LVRN: variants seen among roughly 807,000 people sequenced by gnomAD.
LVRN encodes aminopeptidase Q.
In LVRN, 99 loss-of-function variants were observed where a neutral mutation model predicts 111.4. That is an observed-to-expected ratio of 0.89 (90% CI 0.76 to 1.05). The LOEUF is 1.05. LVRN is among the 50% of genes least tolerant of loss of function. The pLI, the probability that LVRN is intolerant of heterozygous loss-of-function variation, is 0.00. For synonymous variants in LVRN, 488 were observed against 449.5 expected, an observed-to-expected ratio of 1.09 and a Z score of -1.08; for missense variants, 1,414 against 1,206.8, an observed-to-expected ratio of 1.17 and a Z score of -2.54.
At chr5:116,012,206 A>G (rs1278369942) in intron 14 of LVRN, among the ~76,000 whole-genome samples, 168 bp from the exon 15 acceptor site, 2 of 152,198 alleles carry the variant, frequency 1.3e-5, no homozygotes, top group East Asian at 3.8e-4. Context: ...AAACCGAAAG[A>G]GGTTAAAAAA....
intron 17 of LVRN, 38 bp from the exon 18 acceptor site, chr5:116,015,590 A>G: frequency 6.3e-7 from 1 of 1,578,684 alleles, no homozygotes; most frequent in Admixed American, 1.8e-5. Flanking sequence ...TTTATGTTGG[A>G]TGTTTAAAAT....
rs373229835 is a variant in LVRN, at chr5:115,984,726, C to T, written c.978+17C>T. 3.7e-6 allele frequency: 6 copies of T among 1,612,810 alleles called. No homozygotes were observed. The African/African-American group carries it at 5.3e-5, about 14-fold the overall frequency. The stretch of plus-strand genomic sequence containing the variant: ...GGCAAGGAGGTGAGTGAGGAAGATT[C>T]TGTAGGTAAGGGAGATTGTACTGGC... On this transcript the variant is annotated intron_variant, in intron 3 of 19. Coordinates refer to ENST00000357872, the MANE Select transcript of LVRN (RefSeq NM_173800.5).
chr5:115,991,902 A>G (rs147451133), intron 4 of LVRN, among the ~76,000 whole-genome samples: 380 of 152,312 alleles, frequency 2.5e-3, no homozygotes, highest in African/African-American at 8.6e-3. Context: ...GTATTTGAAT[A>G]CAAGTCCTTT....
intron 18 of LVRN, 129 bp downstream of exon 18, chr5:116,015,894 A>G: frequency 8.8e-7 from 1 of 1,131,570 alleles, no homozygotes; most frequent in Non-Finnish European, 1.2e-6. Context: ...ATTGACTAGA[A>G]AAGTTATCAT....
chr5:116,005,090 CAT>C (rs1288259574), intron 12 of LVRN, among the ~76,000 whole-genome samples: 1 of 152,120 alleles, frequency 6.6e-6, no homozygotes, highest in Non-Finnish European at 1.5e-5. Context: ...ATTTCTACGA[CAT>C]AATTGGTGAG....
intron 14 of LVRN, 85 bp from the exon 15 acceptor site, chr5:116,012,289 C>T: frequency 1.3e-6 from 1 of 746,754 alleles, no homozygotes; most frequent in Non-Finnish European, 2.3e-6. Context: ...CTATCAATGT[C>T]TTTTCAGATA....
chr5:115,992,378 T>C (rs1396371355), intron 5 of LVRN, 101 bp downstream of exon 5: 1 of 1,327,906 alleles, frequency 7.5e-7, no homozygotes, highest in Non-Finnish European at 1.0e-6. Flanking sequence ...ATATACCATA[T>C]TTTAAAAAGA....
In LVRN at chr5:115,973,208, G is replaced by A. The variant is rs146165033; in HGVS notation, c.695+9896G>A. Among the ~76,000 whole-genome samples the A allele has an allele frequency of 6.8e-3, 1,031 of 152,302 alleles. 5 individuals are homozygous for A. Among genetic ancestry groups the A allele is most frequent in the Non-Finnish European group, 0.01 (697 of 68,024 alleles). ...GCCTCCCAAAGTGTTGGAATTACAG[G>A]CATGAGCCACTGCACCCAGTCAACC... On this transcript the variant is annotated intron_variant, in intron 1 of 19. Coordinates refer to ENST00000357872, the MANE Select transcript of LVRN (RefSeq NM_173800.5).
At chr5:116,025,682 C>G (rs1748848069) in intron 19 of LVRN, among the ~76,000 whole-genome samples, 1 of 152,162 alleles carries the variant, frequency 6.6e-6, no homozygotes, top group Non-Finnish European at 1.5e-5. Flanking sequence ...AGAGAACACT[C>G]TATATGCGTT....
chr5:116,002,282 G>A lies in LVRN; in HGVS notation c.1821-553G>A, dbSNP rs1005640943. ...TGAGTAGTGTGTCTCTTGCGATGAC[G>A]AATGTGCTTCCTGTGATCAGCTACT... On this transcript the variant is annotated intron_variant, in intron 10 of 19. Coordinates refer to ENST00000357872, the MANE Select transcript of LVRN (RefSeq NM_173800.5). Among the ~76,000 whole-genome samples the A allele has an allele frequency of 4.6e-5, 7 of 152,182 alleles. 1 individual carries two copies. The highest frequency in any genetic ancestry group is 3.9e-4 in the Admixed American group (6 of 15,286).
rs768007657 is a variant in LVRN, at chr5:115,963,325, C to T, written c.695+13C>T. The T allele has an allele frequency of 4.5e-6, 7 of 1,562,098 alleles. No homozygotes were observed. Among genetic ancestry groups the T allele is most frequent in the Non-Finnish European group, 2.6e-6 (3 of 1,153,616 alleles). The stretch of plus-strand genomic sequence containing the variant: ...AGGGCGAGCGCAGGTAAGGGCTGTA[C>T]AGCCCGGGGCCCCTCTCGGCCCCCG... On this transcript the variant is annotated intron_variant, in intron 1 of 19. Transcript: ENST00000357872.
chr5:116,011,956 A>G (rs1748499555), intron 14 of LVRN, among the ~76,000 whole-genome samples: 1 of 152,004 alleles, frequency 6.6e-6, no homozygotes, highest in Admixed American at 6.6e-5. Flanking sequence ...TTTTTGAGGA[A>G]TGTATACTTA....
Position 116,000,761 on chromosome 5 carries a change from T to C in LVRN, c.1647+103T>C, listed in dbSNP as rs937682500. ...AATGGCAGTTCCACAGGAAAACAGC[T>C]TTGTCTTGTTGTAGAACTCCCTTAG... On this transcript the variant is annotated intron_variant, in intron 9 of 19. Transcript: ENST00000357872. The C allele has an allele frequency of 3.1e-6, 4 of 1,285,274 alleles. No homozygotes were observed. The African/African-American group carries it at 6.0e-5, about 19-fold the overall frequency. 79.6% of individuals were successfully genotyped at this position (1,285,274 alleles called of 1,614,324 possible). A position where few individuals can be genotyped will look rare whatever the true frequency, so the allele number is the denominator to read the frequency against.
chr5:115,995,942 C>T (rs1461704794), intron 6 of LVRN, among the ~76,000 whole-genome samples: 1 of 80,570 alleles, frequency 1.2e-5, no homozygotes, highest in Non-Finnish European at 2.4e-5. Flanking sequence ...CCTCAAGAAG[C>T]TAATCGTGTG....
chr5:115,989,671 C>T (rs1747941601), intron 4 of LVRN, among the ~76,000 whole-genome samples: 3 of 152,214 alleles, frequency 2.0e-5, no homozygotes, highest in East Asian at 3.9e-4. Flanking sequence ...TCAGTAATTC[C>T]ACGTAAATTC....
chr5:115,962,776 C>T lies in LVRN; in HGVS notation c.159C>T (p.Asp53=), dbSNP rs1753109377. ...VPPSELPGLR[D]LEAESSPPLR... ...CGTCGGAGCTGCCTGGACTCAGGGA[C>T]TTGGAAGCCGAGTCTTCCCCTCCCC... The change falls in exon 1 of 20, where the codon GAC becomes GAT. Residue 53 remains aspartate (D), a synonymous_variant. Transcript: ENST00000357872. 2 of 1,611,524 alleles carry T rather than the reference C, an allele frequency of 1.2e-6. No homozygotes were observed. Among genetic ancestry groups the T allele is most frequent in the Admixed American group, 1.7e-5 (1 of 59,948 alleles).
intron 13 of LVRN, among the ~76,000 whole-genome samples, chr5:116,007,887 A>G (rs77088484): frequency 0.023 from 3,467 of 152,284 alleles, 133 homozygotes; most frequent in African/African-American, 0.079. Context: ...GTGAACAGGA[A>G]TTGATGATGT....
rs766885193 is a variant in LVRN at position 115,962,805 on chromosome 5, G to A, written c.188G>A (p.Arg63Lys). The A allele has an allele frequency of 5.6e-6, 9 of 1,611,760 alleles. No homozygotes were observed. The Admixed American group carries it at 1.5e-4, about 27-fold the overall frequency. Residue 63 changes from arginine to lysine, a missense_variant, in exon 1 of 20, where the codon AGG (arginine) becomes AAG (lysine). By Grantham distance (26) the Arg-to-Lys change is conservative (BLOSUM62 2). Transcript: ENST00000357872. The stretch of plus-strand genomic sequence containing the variant: ...GAAGCCGAGTCTTCCCCTCCCCTCA[G>A]GCAGAAGCCGACGCCAACCCCGAAA... ...DLEAESSPPL[R>K]QKPTPTPKPS...
intron 7 of LVRN, 70 bp downstream of exon 7, chr5:115,999,972 G>C (rs775665110): frequency 2.7e-4 from 394 of 1,472,988 alleles, no homozygotes; most frequent in Admixed American, 7.2e-4. Flanking sequence ...GATTCTAAGG[G>C]TCCTATATCA....
Sources: gnomAD v4.1 joint callset for allele counts (sites outside exome capture counted in the v4.1 genomes callset) on GRCh38, gnomAD v4.1.1 for gene constraint, MANE v1.5 for transcripts, NCBI Gene and HGNC (gene_info 2026-07-23, HGNC 2026-07-21) for gene names.